Variants in MACF1 observed in about 807,000 individuals in gnomAD.
MACF1 encodes microtubule actin crosslinking factor 1.
In MACF1, 193 loss-of-function variants were observed where a neutral mutation model predicts 854.8. The ratio of observed to expected loss-of-function variants is 0.23; its 90% CI spans 0.20 to 0.25. The LOEUF is 0.25. MACF1 is among the 10% of genes least tolerant of loss of function. The pLI, the probability that MACF1 is intolerant of heterozygous loss-of-function variation, is 1.00. For synonymous variants in MACF1, 3,185 were observed against 3,226.7 expected (o/e 0.99, Z 0.44); for missense variants, 7,722 against 8,929.1 (o/e 0.86, Z 5.45).
At chr1:39,349,457 A>T (rs1349391777) in intron 41 of MACF1, 21 bp from the exon 42 acceptor site, 1 of 1,598,398 alleles carries the variant, frequency 6.3e-7, no homozygotes, top group Non-Finnish European at 8.5e-7. Flanking sequence ...ATGTCTCTTG[A>T]CCCCTTTGCA....
intron 1 of MACF1, among the ~76,000 whole-genome samples, chr1:39,212,150 G>C (rs635199): frequency 6.6e-6 from 1 of 151,916 alleles, no homozygotes; most frequent in Non-Finnish European, 1.5e-5. Flanking sequence ...CCCTTTTCAA[G>C]ATCTGCAGGT....
Position 39,303,032 on chromosome 1 carries a change from T to A in MACF1, c.2743T>A (p.Phe915Ile). Residue 915 changes from phenylalanine to isoleucine, a missense_variant, in exon 23 of 101, where the codon TTC (phenylalanine) becomes ATC (isoleucine). Phe to Ile is a conservative substitution (Grantham distance 21). Coordinates refer to ENST00000564288, the MANE Select transcript of MACF1 (RefSeq NM_001394062.1). ...GNEAMVPSVC[F>I]LIPPPNKDAI... is the part of the protein sequence containing the mutation. The stretch of plus-strand genomic sequence containing the variant: ...CGAGGCAATGGTGCCGTCAGTCTGC[T>A]TCCTCATCCCCCCACCCAATAAGGA... 1.2e-6 allele frequency: 2 copies of A among 1,614,216 alleles called. No homozygotes were observed. The highest frequency in any genetic ancestry group is 1.7e-6 in the Non-Finnish European group (2 of 1,180,012).
chr1:39,097,771 G>C (rs899143232), intron 2 of MACF1, among the ~76,000 whole-genome samples: 1 of 152,090 alleles, frequency 6.6e-6, no homozygotes, highest in Non-Finnish European at 1.5e-5. Flanking sequence ...TGTTATAGGG[G>C]CCTGTGCCCC....
chr1:39,324,213 A>G lies in MACF1; in HGVS notation c.4257A>G (p.Lys1419=). The change falls in exon 34 of 101, where the codon AAA becomes AAG. Residue 1419 remains lysine (K), a synonymous_variant. Coordinates refer to ENST00000564288, the MANE Select transcript of MACF1 (RefSeq NM_001394062.1). ...EEEEKVVEEE[K]QEHVEKVKEL... Reference sequence around the variant, plus strand: ...TCTAGAAAGTGGTAGAAGAGGAGAAACAAGAACATGTGGAGAAGGTTAAAG... The same window carrying G: ...TCTAGAAAGTGGTAGAAGAGGAGAAGCAAGAACATGTGGAGAAGGTTAAAG... 6.2e-7 allele frequency: 1 copy of G among 1,607,458 alleles called. No individual in the cohort carries two copies. The highest frequency in any genetic ancestry group is 2.3e-5 in the East Asian group (1 of 44,444).
chr1:39,175,488 T>TA (rs1164362128), intron 2 of MACF1, among the ~76,000 whole-genome samples: 2 of 152,344 alleles, frequency 1.3e-5, no homozygotes, highest in African/African-American at 4.8e-5. Context: ...TTCATCCTGG[T>TA]AAATAACTTC....
At chr1:39,456,533 G>A (rs541557326) in intron 89 of MACF1, among the ~76,000 whole-genome samples, 3 of 152,306 alleles carry the variant, frequency 2.0e-5, no homozygotes, top group South Asian at 2.1e-4. Context: ...TCAGCTTAAC[G>A]ATGGGTTTGC....
chr1:39,270,650 T>C (rs1645298099), intron 6 of MACF1, among the ~76,000 whole-genome samples: 1 of 152,166 alleles, frequency 6.6e-6, no homozygotes, highest in Non-Finnish European at 1.5e-5. Context: ...GAACTTTTAC[T>C]GGGATGTTGG....
chr1:39,110,186 T>G (rs1642358585), intron 2 of MACF1, among the ~76,000 whole-genome samples: 1 of 151,776 alleles, frequency 6.6e-6, no homozygotes, highest in African/African-American at 2.4e-5. Context: ...ACCTTTTGGT[T>G]ATATGTAGAT....
chr1:39,170,517 G>T (rs1643934337), intron 2 of MACF1, among the ~76,000 whole-genome samples: 1 of 152,128 alleles, frequency 6.6e-6, no homozygotes, highest in African/African-American at 2.4e-5. Context: ...AATATTTGTT[G>T]GTCAACAGAA....
intron 2 of MACF1, among the ~76,000 whole-genome samples, chr1:39,184,831 C>T (rs1644146460): frequency 6.6e-6 from 1 of 152,192 alleles, no homozygotes; most frequent in South Asian, 2.1e-4. Context: ...TATTCTGCCT[C>T]AGGTTTCAGG....
rs1463563894 is a variant in MACF1 at position 39,324,454 on chromosome 1, G to C, written c.4389+109G>C. The C allele has an allele frequency of 8.8e-6, 12 of 1,358,450 alleles. No homozygotes were observed. The Admixed American group carries it at 2.8e-4, about 32-fold the overall frequency. The allele number at this position is 1,358,450 out of a possible 1,614,324, so 84.1% of individuals were successfully genotyped here. A position where few individuals can be genotyped will look rare whatever the true frequency, so the allele number is the denominator to read the frequency against. ...GCCATTCCAGAAGTGATTGCTACCT[G>C]AGTAAATGTTAAAGAAACTTAAGAA... On this transcript the variant is annotated intron_variant, in intron 34 of 100. Coordinates refer to ENST00000564288, the MANE Select transcript of MACF1 (RefSeq NM_001394062.1).
chr1:39,195,164 G>A (rs1644305282), intron 2 of MACF1, among the ~76,000 whole-genome samples: 1 of 152,044 alleles, frequency 6.6e-6, no homozygotes, highest in African/African-American at 2.4e-5. Context: ...TACCTACTAG[G>A]CCTCTCTAGA....
At chr1:39,315,416 G>A in intron 26 of MACF1, 97 bp from the exon 27 acceptor site, 1 of 1,057,176 alleles carries the variant, frequency 9.5e-7, no homozygotes, top group South Asian at 1.5e-5. Flanking sequence ...TGGGCATTTA[G>A]GTGGTTTCCA....
chr1:39,183,813 C>T (rs1378826479), intron 2 of MACF1, among the ~76,000 whole-genome samples: 1 of 152,156 alleles, frequency 6.6e-6, no homozygotes, highest in Non-Finnish European at 1.5e-5. Flanking sequence ...CTGAGGCCTT[C>T]TTTCTTGGGA....
Position 39,324,272 on chromosome 1 carries a change from A to T in MACF1, c.4316A>T (p.Asn1439Ile). The T allele has an allele frequency of 6.2e-7, 1 of 1,614,036 alleles. No homozygotes were observed. The highest frequency in any genetic ancestry group is 8.5e-7 in the Non-Finnish European group (1 of 1,179,926). The stretch of plus-strand genomic sequence containing the variant: ...GGCTGGGTGTCTACCCTAGCGAGGA[A>T]TACACAAGGAAAAGCTACCTCATCC... ...LLGWVSTLAR[N>I]TQGKATSSET... is the part of the protein sequence containing the mutation. Residue 1439 changes from asparagine (N) to isoleucine (I), a missense_variant, in exon 34 of 101, where the codon AAT becomes ATT. Physicochemically the swap from Asn to Ile is moderately radical, Grantham distance 149 (BLOSUM62 -3). Around this residue, in one of 15 missense-constraint regions of MACF1, gnomAD observed 1,137 missense variants for 1,263.0 expected, o/e 0.90. Coordinates refer to ENST00000564288, the MANE Select transcript of MACF1 (RefSeq NM_001394062.1).
chr1:39,300,081 C>T (rs1468123533), intron 21 of MACF1, 129 bp from the exon 22 acceptor site: 11 of 906,972 alleles, frequency 1.2e-5, no homozygotes, highest in South Asian at 1.8e-5. Flanking sequence ...TAAGATGGCT[C>T]CACCAACCAT....
chr1:39,084,304 A>G lies in MACF1; in HGVS notation c.86A>G (p.Glu29Gly). Residue 29 changes from glutamate to glycine, a missense_variant, in exon 2 of 94, where the codon GAG (glutamate) becomes GGG (glycine). Transcript: ENST00000361689. The surrounding 1 kb of genome is among the most constrained non-coding windows in gnomAD (Gnocchi z 5.2). Reference sequence around the variant, plus strand: ...CGGAGTGAGCGATCTTACAGGAGCGAGCGGTCGGGGAGCCTGTCTCCCTGT... The same window carrying G: ...CGGAGTGAGCGATCTTACAGGAGCGGGCGGTCGGGGAGCCTGTCTCCCTGT... 4 of 1,614,060 alleles carry G rather than the reference A, an allele frequency of 2.5e-6. No individual in the cohort carries two copies. The highest frequency in any genetic ancestry group is 3.4e-6 in the Non-Finnish European group (4 of 1,180,006).
rs1553275172 is a variant in MACF1 at position 39,339,485 on chromosome 1, GAC to G, written c.10216-1016_10216-1015del. ...GATTCAGCTCCTGAAAGTTATTGGT[GAC>G]TTTGAACAGTTTCAGTGGAGTGACG... On this transcript the variant is annotated intron_variant, in intron 38 of 100. Coordinates refer to ENST00000564288, the MANE Select transcript of MACF1 (RefSeq NM_001394062.1). Among the ~76,000 whole-genome samples, 1,021 of 152,260 alleles carry G rather than the reference GAC, an allele frequency of 6.7e-3. 13 individuals are homozygous for G. Among genetic ancestry groups the G allele is most frequent in the African/African-American group, 0.023 (972 of 41,538 alleles).
chr1:39,430,768 C>T lies in MACF1; in HGVS notation c.17197C>T (p.Leu5733Phe). Residue 5733 changes from leucine to phenylalanine, a missense_variant, in exon 66 of 101, where the codon CTC (leucine) becomes TTC (phenylalanine). Coordinates refer to ENST00000564288, the MANE Select transcript of MACF1 (RefSeq NM_001394062.1). ...LDTVNEVSRA[L>F]LELVPWRARE... The stretch of plus-strand genomic sequence containing the variant: ...CACAGTGAATGAGGTGAGCCGTGCT[C>T]TCTTAGAGCTGGTGCCCTGGAGAGC... 1.9e-6 allele frequency: 3 copies of T among 1,612,388 alleles called. No homozygotes were observed. The highest frequency in any genetic ancestry group is 2.2e-5 in the South Asian group (2 of 90,998).
Sources: gnomAD v4.1 joint callset for allele counts (sites outside exome capture counted in the v4.1 genomes callset) on GRCh38, gnomAD v4.1.1 for gene constraint, gnomAD v4.1.1 regional missense constraint, Gnocchi (gnomAD v3.1) non-coding constraint, MANE v1.5 for transcripts, NCBI Gene and HGNC (gene_info 2026-07-23, HGNC 2026-07-21) for gene names.